The following KCNQ1 variants were observed in gnomAD, a reference collection of about 807,000 sequenced individuals.
KCNQ1 encodes potassium voltage-gated channel subfamily KQT member 1.
A neutral mutation model predicts 72.4 loss-of-function variants in KCNQ1; 49 were observed. The observed-to-expected ratio is 0.68, with a 90% CI of 0.54 to 0.86. KCNQ1 has a LOEUF of 0.86. KCNQ1 is among the 40% of genes least tolerant of loss of function. The pLI is 0.00. For synonymous variants in KCNQ1, 450 were observed against 412.6 expected (o/e 1.09, Z -1.10); for missense variants, 790 against 945.1 (o/e 0.84, Z 2.15).
chr11:2,645,727 A>G lies in KCNQ1; in HGVS notation c.1394-16234A>G. 1 of 398,760 alleles carries G rather than the reference A, an allele frequency of 2.5e-6. No homozygotes were observed. The highest frequency in any genetic ancestry group is 4.4e-6 in the Non-Finnish European group (1 of 226,224). The allele number at this position is 398,760 out of a possible 1,614,324, so 24.7% of individuals were successfully genotyped here. A position where few individuals can be genotyped will look rare whatever the true frequency, so the allele number is the denominator to read the frequency against. ...CAGGAGTGGCAACCAGCTTTGTGTAAGGGATGTCCATGGGGCTCCAGGGAT... is the reference window on the plus strand; with the variant it reads ...CAGGAGTGGCAACCAGCTTTGTGTAGGGGATGTCCATGGGGCTCCAGGGAT... On this transcript the variant is annotated intron_variant, in intron 10 of 15. Transcript: ENST00000155840. This position sits in a 1 kb window ranked among gnomAD's most constrained non-coding sequence, Gnocchi z 5.8.
chr11:2,525,563 G>A (rs1847484478), intron 1 of KCNQ1, among the ~76,000 whole-genome samples: 2 of 152,238 alleles, frequency 1.3e-5, no homozygotes, highest in African/African-American at 2.4e-5. Flanking sequence ...GGGGTGCAGA[G>A]AGCGTCCCTG....
At chr11:2,561,235 A>T (rs1848162484) in intron 2 of KCNQ1, among the ~76,000 whole-genome samples, 1 of 151,658 alleles carries the variant, frequency 6.6e-6, no homozygotes, top group South Asian at 2.1e-4. Context: ...AAAAAAAAGG[A>T]ACTCCCAGGG....
chr11:2,744,225 C>T (rs1846101458), intron 11 of KCNQ1, among the ~76,000 whole-genome samples: 2 of 152,254 alleles, frequency 1.3e-5, no homozygotes, highest in Admixed American at 1.3e-4. Context: ...TAAAAGGCCA[C>T]CGTGTGTCCA....
rs1256692295 is a variant in KCNQ1, at chr11:2,668,035, C to CT, written c.1514+5957dup. On this transcript the variant is annotated intron_variant, in intron 11 of 15. Coordinates refer to ENST00000155840, the MANE Select transcript of KCNQ1 (RefSeq NM_000218.3). This position sits in a 1 kb window ranked among gnomAD's most constrained non-coding sequence, Gnocchi z 4.3. ...CCTAACTGCTAGCAGCAAGGACCAG[C>CT]TTTGCCCACATTTGAACTTTATGCG... 3 of 398,538 alleles carry CT rather than the reference C, an allele frequency of 7.5e-6. No homozygotes were observed. The highest frequency in any genetic ancestry group is 1.3e-5 in the Non-Finnish European group (3 of 226,088). 24.7% of individuals were successfully genotyped at this position (398,538 alleles called of 1,614,324 possible). A position where few individuals can be genotyped will look rare whatever the true frequency, so the allele number is the denominator to read the frequency against.
intron 10 of KCNQ1, chr11:2,631,275 T>G (rs1849348558): frequency 7.5e-6 from 3 of 398,552 alleles, no homozygotes; most frequent in Non-Finnish European, 1.3e-5. Context: ...TTGTTACCTT[T>G]TCATTCTTTA....
rs1846694476 is a variant in KCNQ1 at position 2,484,015 on chromosome 11, C to T, written c.386+38531C>T. On this transcript the variant is annotated intron_variant, in intron 1 of 15. Coordinates refer to ENST00000155840, the MANE Select transcript of KCNQ1 (RefSeq NM_000218.3). The surrounding 1 kb of genome is among the most constrained non-coding windows in gnomAD (Gnocchi z 5.2). ...GATTTGTTTATTTCCCACTTTCTTT[C>T]TATGTTTGTTAATTTGGATTCTTCT... Among the ~76,000 whole-genome samples, 1 of 152,084 alleles carries T rather than the reference C, an allele frequency of 6.6e-6. No homozygotes were observed. Among genetic ancestry groups the T allele is most frequent in the South Asian group, 2.1e-4 (1 of 4,832 alleles).
intron 10 of KCNQ1, chr11:2,618,274 T>C (rs183921189): frequency 2.5e-6 from 1 of 398,488 alleles, no homozygotes; most frequent in Admixed American, 4.4e-5. Context: ...AGGCCACACA[T>C]AAAATACACT....
At chr11:2,485,300 CAAAG>C (rs1191078323) in intron 1 of KCNQ1, among the ~76,000 whole-genome samples, 1 of 151,996 alleles carries the variant, frequency 6.6e-6, no homozygotes, top group East Asian at 1.9e-4. Context: ...CAGAGGTGCA[CAAAG>C]AGTGTCCTCA....
intron 1 of KCNQ1, chr11:2,461,301 C>T (rs1174376791): frequency 2.0e-5 from 14 of 711,770 alleles, no homozygotes; most frequent in Middle Eastern, 6.2e-4. Context: ...CTTCTCAGGC[C>T]GCCTCGCAGC....
intron 11 of KCNQ1, among the ~76,000 whole-genome samples, chr11:2,700,498 C>T (rs1466629681): frequency 6.6e-6 from 1 of 152,060 alleles, no homozygotes; most frequent in Non-Finnish European, 1.5e-5. Flanking sequence ...GCCGCTGCAG[C>T]GACCCTCGAA....
Position 2,592,539 on chromosome 11 carries a change from G to T in KCNQ1, c.1393+3685G>T, listed in dbSNP as rs1286397904. ...GGAGGGGAATGTCAGCAGCCACCCA[G>T]CCCGAGAGCCAGAGCACAGCAGGGG... On this transcript the variant is annotated intron_variant, in intron 10 of 15. Coordinates refer to ENST00000155840, the MANE Select transcript of KCNQ1 (RefSeq NM_000218.3). This position sits in a 1 kb window ranked among gnomAD's most constrained non-coding sequence, Gnocchi z 5.2. Among the ~76,000 whole-genome samples, 1 of 152,214 alleles carries T rather than the reference G, an allele frequency of 6.6e-6. No individual in the cohort carries two copies. The highest frequency in any genetic ancestry group is 1.5e-5 in the Non-Finnish European group (1 of 68,028).
intron 10 of KCNQ1, chr11:2,622,193 C>T: frequency 2.5e-6 from 1 of 398,346 alleles, no homozygotes; most frequent in Non-Finnish European, 4.4e-6. Flanking sequence ...CTTTCTCACT[C>T]CAATTCTGTC....
chr11:2,445,630 A>C, intron 1 of KCNQ1, 146 bp downstream of exon 1: 2 of 950,000 alleles, frequency 2.1e-6, no homozygotes, highest in Non-Finnish European at 3.2e-6. Flanking sequence ...AGAAACACAA[A>C]CTCTGCACTC....
At chr11:2,605,548 T>G (rs1462647263) in intron 10 of KCNQ1, among the ~76,000 whole-genome samples, 2 of 152,252 alleles carry the variant, frequency 1.3e-5, no homozygotes, top group African/African-American at 4.8e-5. Context: ...AGACTATTCT[T>G]TCCGCATTGA....
Position 2,787,621 on chromosome 11 carries a change from C to A in KCNQ1, c.1794+9584C>A, listed in dbSNP as rs756397381. Reference sequence around the variant, plus strand: ...ATTTAACCCAATAGATCCAAAATATCATTTCAATATATAATTAATATTTTT... The same window carrying A: ...ATTTAACCCAATAGATCCAAAATATAATTTCAATATATAATTAATATTTTT... On this transcript the variant is annotated intron_variant, in intron 15 of 15. Coordinates refer to ENST00000155840, the MANE Select transcript of KCNQ1 (RefSeq NM_000218.3). This position sits in a 1 kb window ranked among gnomAD's most constrained non-coding sequence, Gnocchi z 6.3. 8.3e-4 allele frequency among the ~76,000 whole-genome samples: 127 copies of A among 152,208 alleles called. No homozygotes were observed. The highest frequency in any genetic ancestry group is 1.5e-3 in the Non-Finnish European group (99 of 68,002).
At position 2,620,109 on chromosome 11, in the gene KCNQ1, G is replaced by C. The variant is rs957340116; in HGVS notation, c.1393+31255G>C. The C allele has an allele frequency of 2.5e-6, 1 of 398,004 alleles. No individual in the cohort carries two copies. The highest frequency in any genetic ancestry group is 4.4e-6 in the Non-Finnish European group (1 of 226,006). The allele number at this position is 398,004 out of a possible 1,614,324, so 24.7% of individuals were successfully genotyped here. A position where few individuals can be genotyped will look rare whatever the true frequency, so the allele number is the denominator to read the frequency against. On this transcript the variant is annotated intron_variant, in intron 10 of 15. Coordinates refer to ENST00000155840, the MANE Select transcript of KCNQ1 (RefSeq NM_000218.3). The surrounding 1 kb of genome is among the most constrained non-coding windows in gnomAD (Gnocchi z 4.5). ...TCCCACTTGCAAGTGGTAACATGCA[G>C]TATTTGGTTTTCTGTTCCTGCATTA...
intron 15 of KCNQ1, among the ~76,000 whole-genome samples, chr11:2,795,468 T>G (rs1847112006): frequency 6.6e-6 from 1 of 152,192 alleles, no homozygotes; most frequent in Non-Finnish European, 1.5e-5. Context: ...TGACACCCAG[T>G]CACAGAGCAA....
rs1411384850 is a variant in KCNQ1 at position 2,745,018 on chromosome 11, G to A, written c.1515-23826G>A. Reference sequence around the variant, plus strand: ...GTCTGCTGGTCGGAAGGACAATGGCGGCACCCCAAGACCTGATGCTCTGGT... The same window carrying A: ...GTCTGCTGGTCGGAAGGACAATGGCAGCACCCCAAGACCTGATGCTCTGGT... On this transcript the variant is annotated intron_variant, in intron 11 of 15. Coordinates refer to ENST00000155840, the MANE Select transcript of KCNQ1 (RefSeq NM_000218.3). The surrounding 1 kb of genome is among the most constrained non-coding windows in gnomAD (Gnocchi z 6.2). 6.6e-6 allele frequency among the ~76,000 whole-genome samples: 1 copy of A among 152,036 alleles called. No individual in the cohort carries two copies. Among genetic ancestry groups the A allele is most frequent in the African/African-American group, 2.4e-5 (1 of 41,398 alleles).
In KCNQ1 at chr11:2,828,564, C is replaced by T. The variant is rs377541945; in HGVS notation, c.1795-19203C>T. Among the ~76,000 whole-genome samples the T allele has an allele frequency of 2.0e-5, 3 of 152,208 alleles. No homozygotes were observed. The East Asian group carries it at 5.8e-4, about 29-fold the overall frequency. The stretch of plus-strand genomic sequence containing the variant: ...CCACCAAGAATGAGGCAGTTCCCAA[C>T]CCAGGACCCTGACAGGCAGGTCTCA... On this transcript the variant is annotated intron_variant, in intron 15 of 15. Transcript: ENST00000155840. This position sits in a 1 kb window ranked among gnomAD's most constrained non-coding sequence, Gnocchi z 5.3.
Sources: gnomAD v4.1 joint callset for allele counts (sites outside exome capture counted in the v4.1 genomes callset) on GRCh38, gnomAD v4.1.1 for gene constraint, Gnocchi (gnomAD v3.1) non-coding constraint, MANE v1.5 for transcripts, NCBI Gene and HGNC (gene_info 2026-07-23, HGNC 2026-07-21) for gene names.